The following MMP9 variants were observed in gnomAD, a reference collection of about 807,000 sequenced individuals.
The protein encoded by MMP9 is matrix metalloproteinase-9.
In MMP9, 73 loss-of-function variants were observed where a neutral mutation model predicts 76.4. The ratio of observed to expected loss-of-function variants is 0.96; its 90% CI spans 0.79 to 1.16. The LOEUF (loss-of-function observed/expected upper bound fraction) is 1.16, where lower values mean the gene tolerates loss of function less well. Among genes scored for constraint, MMP9 ranks in the 50% most tolerant of loss-of-function variants. The pLI, the probability that MMP9 is intolerant of heterozygous loss-of-function variation, is 0.00. For synonymous variants in MMP9, 412 were observed against 408.4 expected, an observed-to-expected ratio of 1.01 and a Z score of -0.11; for missense variants, 943 against 973.0, an observed-to-expected ratio of 0.97 and a Z score of 0.41.
chr20:46,014,399 C>T lies in MMP9; in HGVS notation c.1930C>T (p.Pro644Ser). 1.3e-6 allele frequency: 2 copies of T among 1,549,548 alleles called. No homozygotes were observed. The part of the protein sequence containing the change: ...RFDVKAQMVD[P>S]RSASEVDRMF... ...CGACGTGAAGGCGCAGATGGTGGATCCCCGGAGCGCCAGCGAGGTGGACCG... is the reference window on the plus strand; with the variant it reads ...CGACGTGAAGGCGCAGATGGTGGATTCCCGGAGCGCCAGCGAGGTGGACCG... The change falls in exon 12 of 13, where the codon CCC becomes TCC. Residue 644 changes from proline (P) to serine (S), a missense_variant. Pro to Ser is a moderately conservative substitution (Grantham distance 74, BLOSUM62 -1). Transcript: ENST00000372330.
intron 12 of MMP9, among the ~76,000 whole-genome samples, chr20:46,015,955 T>C (rs2145458441): frequency 6.6e-6 from 1 of 152,324 alleles, no homozygotes; most frequent in East Asian, 1.9e-4. Context: ...TTGAATGAAT[T>C]GTTCTGAGCA....
chr20:46,013,129 G>A lies in MMP9; in HGVS notation c.1331-126G>A. 9.0e-7 allele frequency: 1 copy of A among 1,113,356 alleles called. No homozygotes were observed. The highest frequency in any genetic ancestry group is 1.2e-5 in the South Asian group (1 of 80,772). 69.0% of individuals were successfully genotyped at this position (1,113,356 alleles called of 1,614,324 possible). ...GAAGAAAGTCCTGTGGTTTGGGAAGGGAGGCTGAGTGAGGAGGGGCCTGTG... is the reference window on the plus strand; with the variant it reads ...GAAGAAAGTCCTGTGGTTTGGGAAGAGAGGCTGAGTGAGGAGGGGCCTGTG... On this transcript the variant is annotated intron_variant, in intron 8 of 12. Coordinates refer to ENST00000372330, the MANE Select transcript of MMP9 (RefSeq NM_004994.3). This position sits in a 1 kb window ranked among gnomAD's most constrained non-coding sequence, Gnocchi z 4.5.
Position 46,009,882 on chromosome 20 carries a change from A to G in MMP9, c.155A>G (p.Tyr52Cys), listed in dbSNP as rs747548343. The part of the protein sequence containing the change: ...RQLAEEYLYR[Y>C]GYTRVAEMRG... Reference sequence around the variant, plus strand: ...CATCCACAGGAATACCTGTACCGCTATGGTTACACTCGGGTGGCAGAGATG... The same window carrying G: ...CATCCACAGGAATACCTGTACCGCTGTGGTTACACTCGGGTGGCAGAGATG... The change falls in exon 2 of 13, where the codon TAT becomes TGT. Residue 52 changes from tyrosine to cysteine, a missense_variant. Physicochemically the swap from Tyr to Cys is radical, Grantham distance 194 (BLOSUM62 -2). Transcript: ENST00000372330. 9.7e-6 allele frequency: 15 copies of G among 1,551,926 alleles called. No homozygotes were observed. Among genetic ancestry groups the G allele is most frequent in the South Asian group, 2.4e-5 (2 of 84,074 alleles).
Position 46,012,120 on chromosome 20 carries a change from G to A in MMP9, c.998-17G>A. On this transcript the variant is annotated splice_polypyrimidine_tract_variant and intron_variant, in intron 6 of 12. Coordinates refer to ENST00000372330, the MANE Select transcript of MMP9 (RefSeq NM_004994.3). ...GACTCATCCATCTGGCTCATCCAAG[G>A]CCTTGGGTCTCTCCAGCTGACTCGA... The A allele has an allele frequency of 6.2e-7, 1 of 1,613,344 alleles. No individual in the cohort carries two copies. The highest frequency in any genetic ancestry group is 8.5e-7 in the Non-Finnish European group (1 of 1,179,604).
chr20:46,015,216 C>T (rs1467854565), intron 12 of MMP9, among the ~76,000 whole-genome samples: 4 of 152,142 alleles, frequency 2.6e-5, no homozygotes, highest in Admixed American at 1.3e-4. Context: ...CTGCTCCACC[C>T]ACACTGGCTG....
At chr20:46,012,115 C>T (rs760004961) in intron 6 of MMP9, 22 bp from the exon 7 acceptor site, 1 of 1,612,490 alleles carries the variant, frequency 6.2e-7, no homozygotes, top group Non-Finnish European at 8.5e-7. Context: ...TCTGGCTCAT[C>T]CAAGGCCTTG....
At position 46,014,444 on chromosome 20, in the gene MMP9, T is replaced by G. The variant is rs549511587; in HGVS notation, c.1975T>G (p.Leu659Val). ...GGACCGGATGTTCCCCGGGGTGCCT[T>G]TGGACACGCACGACGTCTTCCAGTA... ...EVDRMFPGVPLDTHDVFQYRE... is the reference protein window; with the variant it reads ...EVDRMFPGVPVDTHDVFQYRE... The change falls in exon 12 of 13, where the codon TTG becomes GTG. Residue 659 changes from leucine to valine, a missense_variant. By Grantham distance (32) the Leu-to-Val change is conservative (BLOSUM62 1). Coordinates refer to ENST00000372330, the MANE Select transcript of MMP9 (RefSeq NM_004994.3). The G allele has an allele frequency of 1.3e-6, 2 of 1,550,484 alleles. No homozygotes were observed. The highest frequency in any genetic ancestry group is 1.7e-6 in the Non-Finnish European group (2 of 1,146,954).
chr20:46,013,630 C>G lies in MMP9; in HGVS notation c.1611-27C>G, dbSNP rs200196442. The G allele has an allele frequency of 4.3e-5, 70 of 1,614,022 alleles. No homozygotes were observed. Among genetic ancestry groups the G allele is most frequent in the Admixed American group, 3.5e-4 (21 of 60,014 alleles). ...TGGCCCTGTGTCCAAGGCTTAGAGCCCGTCCTTTCCCTCCTCGCTTTCTCA... is the reference window on the plus strand; with the variant it reads ...TGGCCCTGTGTCCAAGGCTTAGAGCGCGTCCTTTCCCTCCTCGCTTTCTCA... On this transcript the variant is annotated intron_variant, in intron 9 of 12. Coordinates refer to ENST00000372330, the MANE Select transcript of MMP9 (RefSeq NM_004994.3). This position sits in a 1 kb window ranked among gnomAD's most constrained non-coding sequence, Gnocchi z 4.5.
chr20:46,009,052 G>A lies in MMP9; in HGVS notation c.126G>A (p.Arg42=). 5 of 1,613,782 alleles carry A rather than the reference G, an allele frequency of 3.1e-6. No homozygotes were observed. Among genetic ancestry groups the A allele is most frequent in the Non-Finnish European group, 4.2e-6 (5 of 1,179,874 alleles). Residue 42 remains arginine, a synonymous_variant, in exon 1 of 13, where the codon AGG becomes AGA. Coordinates refer to ENST00000372330, the MANE Select transcript of MMP9 (RefSeq NM_004994.3). ...PGDLRTNLTD[R]QLAEEYLYRY... ...ACCTGAGAACCAATCTCACCGACAG[G>A]CAGCTGGCAGAGGTGGGCAAACACC...
intron 6 of MMP9, 39 bp downstream of exon 6, chr20:46,011,786 T>C (rs1282409000): frequency 1.3e-6 from 2 of 1,583,928 alleles, no homozygotes; most frequent in Admixed American, 3.6e-5. Context: ...CCCCGCCCTC[T>C]CATCATGTAT....
intron 5 of MMP9, 58 bp from the exon 6 acceptor site, chr20:46,011,516 G>T: frequency 6.2e-7 from 1 of 1,603,228 alleles, no homozygotes. Context: ...GACACACTTG[G>T]GGGTTATAAT....
intron 3 of MMP9, 117 bp downstream of exon 3, chr20:46,010,748 T>C: frequency 6.5e-7 from 1 of 1,543,140 alleles, no homozygotes; most frequent in East Asian, 2.4e-5. Context: ...CGCGCTGCCC[T>C]GGCTTATACG....
Position 46,011,243 on chromosome 20 carries a change from C to G in MMP9, c.750C>G (p.Ser250=), listed in dbSNP as rs201440502. 30 of 1,613,274 alleles carry G rather than the reference C, an allele frequency of 1.9e-5. No homozygotes were observed. The highest frequency in any genetic ancestry group is 2.5e-5 in the Non-Finnish European group (30 of 1,180,026). Residue 250 remains serine, a synonymous_variant, in exon 5 of 13, where the codon TCC becomes TCG. Transcript: ENST00000372330. ...CTGCCTGCACCACCGACGGTCGCTC[C>G]GACGGCTTGCCCTGGTGCAGTACCA... ...SYSACTTDGR[S]DGLPWCSTTA...
chr20:46,011,809 C>A lies in MMP9; in HGVS notation c.997+62C>A, dbSNP rs1283054401. On this transcript the variant is annotated intron_variant, in intron 6 of 12. Transcript: ENST00000372330. ...TCTCATCATGTATTGGCCCCCAAAA[C>A]GCGGCTCTTCCCTCCCATCAGTTTG... The A allele has an allele frequency of 1.2e-5, 19 of 1,547,534 alleles. No homozygotes were observed. In the Admixed American group the frequency reaches 3.4e-4, roughly 28 times the overall value.
intron 12 of MMP9, 83 bp from the exon 13 acceptor site, chr20:46,016,167 G>C: frequency 7.8e-7 from 1 of 1,286,150 alleles, no homozygotes; most frequent in Non-Finnish European, 1.1e-6. Flanking sequence ...TGGCAGAAGA[G>C]ATGGTTGTCA....
chr20:46,013,188 AG>A lies in MMP9; in HGVS notation c.1331-66del. On this transcript the variant is annotated intron_variant, in intron 8 of 12. Coordinates refer to ENST00000372330, the MANE Select transcript of MMP9 (RefSeq NM_004994.3). This position sits in a 1 kb window ranked among gnomAD's most constrained non-coding sequence, Gnocchi z 4.5. ...GAGGCTTCACTGAGAAGCTTAGGGG[AG>A]CAGATGTTCTAGGGGTACAGAGGTA... 6.3e-7 allele frequency: 1 copy of A among 1,593,082 alleles called. No individual in the cohort carries two copies. The highest frequency in any genetic ancestry group is 8.6e-7 in the Non-Finnish European group (1 of 1,161,652).
chr20:46,011,517 G>T, intron 5 of MMP9, 57 bp from the exon 6 acceptor site: 1 of 1,603,698 alleles, frequency 6.2e-7, no homozygotes, highest in Non-Finnish European at 8.5e-7. Context: ...ACACACTTGG[G>T]GGTTATAATG....
Position 46,013,645 on chromosome 20 carries a change from T to G in MMP9, c.1611-12T>G. The G allele has an allele frequency of 6.2e-7, 1 of 1,614,058 alleles. No individual in the cohort carries two copies. Among genetic ancestry groups the G allele is most frequent in the Non-Finnish European group, 8.5e-7 (1 of 1,179,970 alleles). ...GGCTTAGAGCCCGTCCTTTCCCTCC[T>G]CGCTTTCTCAGGAAGTACTGGCGAT... On this transcript the variant is annotated splice_polypyrimidine_tract_variant and intron_variant, in intron 9 of 12. Transcript: ENST00000372330. The surrounding 1 kb of genome is among the most constrained non-coding windows in gnomAD (Gnocchi z 4.5).
At position 46,016,330 on chromosome 20, in the gene MMP9, T is replaced by G; in HGVS notation, c.2086T>G (p.Tyr696Asp). 6.2e-7 allele frequency: 1 copy of G among 1,614,228 alleles called. No individual in the cohort carries two copies. Among genetic ancestry groups the G allele is most frequent in the East Asian group, 2.2e-5 (1 of 44,878 alleles). Reference protein sequence around the residue: ...SELNQVDQVGYVTYDILQCPE... With the variant: ...SELNQVDQVGDVTYDILQCPE... ...GTTGAACCAGGTGGACCAAGTGGGCTACGTGACCTATGACATCCTGCAGTG... is the reference window on the plus strand; with the variant it reads ...GTTGAACCAGGTGGACCAAGTGGGCGACGTGACCTATGACATCCTGCAGTG... Residue 696 changes from tyrosine (Y) to aspartate (D), a missense_variant, in exon 13 of 13, where the codon TAC (tyrosine) becomes GAC (aspartate). By Grantham distance (160) the Tyr-to-Asp change is radical. Transcript: ENST00000372330.
Sources: allele counts gnomAD v4.1 joint callset (sites outside exome capture counted in the v4.1 genomes callset), GRCh38; gene constraint gnomAD v4.1.1; non-coding constraint Gnocchi (gnomAD v3.1); transcripts MANE v1.5; gene names NCBI Gene and HGNC (gene_info 2026-07-23, HGNC 2026-07-21).